The following GPC6 variants were observed in gnomAD, a reference collection of about 807,000 sequenced individuals.
The protein encoded by GPC6 is glypican 6.
GPC6 carries 14 observed loss-of-function variants against 55.2 expected under a neutral mutation model. That is an observed-to-expected ratio of 0.25 (90% CI 0.17 to 0.40). GPC6 has a LOEUF of 0.40. GPC6 is among the 10% of genes least tolerant of loss of function. The pLI is 1.00. For synonymous variants in GPC6, 278 were observed against 259.6 expected (o/e 1.07, Z -0.68); for missense variants, 641 against 708.5 (o/e 0.90, Z 1.08).
chr13:94,249,334 T>C (rs1300905515), intron 4 of GPC6, among the ~76,000 whole-genome samples: 2 of 152,034 alleles, frequency 1.3e-5, no homozygotes, highest in Non-Finnish European at 2.9e-5. Flanking sequence ...CCCCAATAAA[T>C]CTTGAGCCAC....
chr13:93,615,943 C>T (rs1406186993), intron 2 of GPC6, among the ~76,000 whole-genome samples: 1 of 152,080 alleles, frequency 6.6e-6, no homozygotes, highest in Non-Finnish European at 1.5e-5. Flanking sequence ...TAAACTAAAA[C>T]AAGAATTACA....
chr13:93,522,079 G>T (rs1250623923), intron 1 of GPC6, among the ~76,000 whole-genome samples: 1 of 151,850 alleles, frequency 6.6e-6, no homozygotes, highest in African/African-American at 2.4e-5. Flanking sequence ...GACAGACTTT[G>T]AAACAAGTCA....
chr13:94,207,544 T>TGAAGTGGACTATGAC (rs1289199124), intron 4 of GPC6, among the ~76,000 whole-genome samples: 1 of 152,222 alleles, frequency 6.6e-6, no homozygotes, highest in African/African-American at 2.4e-5. Flanking sequence ...ACAAGTGGCA[T>TGAAGTGGACTATGAC]TTGGCTTGCT....
At chr13:94,279,376 CAA>C (rs58007143) in intron 4 of GPC6, among the ~76,000 whole-genome samples, 2,801 of 138,716 alleles carry the variant, frequency 0.02, 89 homozygotes, top group African/African-American at 0.067. Context: ...TGATCTTTTT[CAA>C]AAAAAAAAAA....
rs563037839 is a variant in GPC6, at chr13:94,359,882, T to C, written c.1153-22532T>C. 1.6e-4 allele frequency among the ~76,000 whole-genome samples: 24 copies of C among 152,342 alleles called. No individual in the cohort carries two copies. In the South Asian group the frequency reaches 3.9e-3, roughly 25 times the overall value. On this transcript the variant is annotated intron_variant, in intron 6 of 8. Transcript: ENST00000377047. ...TTCTCAACCTTATTCCCAAGTACAA[T>C]GTAATAGGAAAATGCAAAGCCCTTT...
intron 1 of GPC6, among the ~76,000 whole-genome samples, chr13:93,473,174 C>T (rs1341514565): frequency 6.6e-6 from 1 of 152,190 alleles, no homozygotes; most frequent in Non-Finnish European, 1.5e-5. Context: ...TCACCAGGGA[C>T]CTGCCCCCTT....
intron 2 of GPC6, among the ~76,000 whole-genome samples, chr13:93,581,947 T>G (rs981264322): frequency 6.6e-5 from 10 of 152,208 alleles, no homozygotes; most frequent in Non-Finnish European, 8.8e-5. Flanking sequence ...GATGGGTGTT[T>G]TTACATAAGA....
At chr13:93,564,251 A>G (rs555412916) in intron 2 of GPC6, among the ~76,000 whole-genome samples, 1 of 152,208 alleles carries the variant, frequency 6.6e-6, no homozygotes, top group South Asian at 2.1e-4. Flanking sequence ...TCCTAATCCT[A>G]GTAAATATCA....
At chr13:93,793,404 A>G (rs1429775181) in intron 2 of GPC6, among the ~76,000 whole-genome samples, 1 of 152,160 alleles carries the variant, frequency 6.6e-6, no homozygotes, top group African/African-American at 2.4e-5. Flanking sequence ...AACCTAAAAA[A>G]CAAACAAACA....
intron 4 of GPC6, among the ~76,000 whole-genome samples, chr13:94,201,753 A>G (rs1444555239): frequency 6.6e-6 from 1 of 152,138 alleles, no homozygotes; most frequent in Non-Finnish European, 1.5e-5. Flanking sequence ...GTTTGAGACC[A>G]GCCTGGCCAA....
chr13:93,404,110 A>G (rs184208867), intron 1 of GPC6, among the ~76,000 whole-genome samples: 99 of 152,256 alleles, frequency 6.5e-4, no homozygotes, highest in African/African-American at 2.2e-3. Context: ...GTGATAAAAG[A>G]TCTCTATTTA....
rs756460660 is a variant in GPC6, at chr13:94,382,405, C to T, written c.1153-9C>T. 1 of 1,614,026 alleles carries T rather than the reference C, an allele frequency of 6.2e-7. No homozygotes were observed. The highest frequency in any genetic ancestry group is 1.1e-5 in the South Asian group (1 of 91,072). On this transcript the variant is annotated splice_polypyrimidine_tract_variant and intron_variant, in intron 6 of 8. Coordinates refer to ENST00000377047, the MANE Select transcript of GPC6 (RefSeq NM_005708.5). ...AATACTCACTTGCTTTCCTTGGTTTCTTGATCAGGTCACAGACATAAAAGA... is the reference window on the plus strand; with the variant it reads ...AATACTCACTTGCTTTCCTTGGTTTTTTGATCAGGTCACAGACATAAAAGA...
intron 5 of GPC6, among the ~76,000 whole-genome samples, chr13:94,300,674 C>A (rs1441350233): frequency 6.6e-6 from 1 of 152,182 alleles, no homozygotes; most frequent in African/African-American, 2.4e-5. Context: ...TGCATTGAAG[C>A]TTCCAAATAC....
chr13:94,047,567 T>G (rs1198216977), intron 4 of GPC6, among the ~76,000 whole-genome samples: 1 of 152,096 alleles, frequency 6.6e-6, no homozygotes, highest in Non-Finnish European at 1.5e-5. Flanking sequence ...GTACAGTGGT[T>G]TCTGGAATCA....
At chr13:94,215,270 T>C (rs1358089156) in intron 4 of GPC6, among the ~76,000 whole-genome samples, 2 of 152,066 alleles carry the variant, frequency 1.3e-5, no homozygotes, top group African/African-American at 4.8e-5. Context: ...CTTGTGAAAA[T>C]AAAGGGCTTC....
intron 2 of GPC6, among the ~76,000 whole-genome samples, chr13:93,555,785 T>C (rs562065001): frequency 4.4e-4 from 67 of 152,302 alleles, no homozygotes; most frequent in African/African-American, 1.6e-3. Flanking sequence ...TCAGTTAATA[T>C]ACAGATTGCT....
chr13:93,597,744 T>C (rs961391242), intron 2 of GPC6, among the ~76,000 whole-genome samples: 1 of 152,206 alleles, frequency 6.6e-6, no homozygotes, highest in Non-Finnish European at 1.5e-5. Context: ...GCTCACTGTA[T>C]TGTGAAAATA....
chr13:93,685,777 G>A (rs1346041432), intron 2 of GPC6, among the ~76,000 whole-genome samples: 1 of 152,070 alleles, frequency 6.6e-6, no homozygotes, highest in Non-Finnish European at 1.5e-5. Flanking sequence ...TCACAGTTAA[G>A]GGGGCATGTT....
At chr13:93,867,529 C>A (rs1889004300) in intron 3 of GPC6, among the ~76,000 whole-genome samples, 1 of 151,700 alleles carries the variant, frequency 6.6e-6, no homozygotes, top group Non-Finnish European at 1.5e-5. Flanking sequence ...CCCTCAGAAC[C>A]ATGTGTGTCC....
Sources: allele counts gnomAD v4.1 joint callset (sites outside exome capture counted in the v4.1 genomes callset), GRCh38; gene constraint gnomAD v4.1.1; transcripts MANE v1.5; gene names NCBI Gene and HGNC (gene_info 2026-07-23, HGNC 2026-07-21).